The following PTPRN2 variants were observed in gnomAD, a reference collection of about 807,000 sequenced individuals.
The protein encoded by PTPRN2 is protein tyrosine phosphatase receptor type N2, also known as receptor-type tyrosine-protein phosphatase N2.
A neutral mutation model predicts 118.8 loss-of-function variants in PTPRN2; 74 were observed. The observed-to-expected ratio is 0.62, with a 90% CI of 0.52 to 0.76. The LOEUF is 0.76. PTPRN2 is among the 30% of genes least tolerant of loss of function. PTPRN2 has a pLI of 0.00. For missense variants in PTPRN2, 1,481 were observed against 1,394.4 expected (o/e 1.06, Z -0.99); for synonymous variants, 641 against 608.0 (o/e 1.05, Z -0.80).
intron 3 of PTPRN2, among the ~76,000 whole-genome samples, chr7:158,296,535 G>A (rs563235040): frequency 1.3e-5 from 2 of 152,214 alleles, no homozygotes; most frequent in African/African-American, 2.4e-5. Flanking sequence ...AATTGAGCTG[G>A]TTAACACAAG....
chr7:158,308,526 A>G (rs1436982642), intron 3 of PTPRN2, among the ~76,000 whole-genome samples: 2 of 152,220 alleles, frequency 1.3e-5, no homozygotes, highest in Non-Finnish European at 2.9e-5. Context: ...AGCAATAATT[A>G]TAAATCCATG....
rs77993042 is a variant in PTPRN2 at position 158,497,732 on chromosome 7, C to T, written c.113-7947G>A. Among the ~76,000 whole-genome samples, 794 of 152,352 alleles carry T rather than the reference C, an allele frequency of 5.2e-3. 11 individuals are homozygous for T. Among genetic ancestry groups the T allele is most frequent in the African/African-American group, 0.018 (735 of 41,592 alleles). On this transcript the variant is annotated intron_variant, in intron 1 of 22. Transcript: ENST00000389418. ...CCGCTGCACACTCAATTGCCATGAA[C>T]GATGGGAGCTGACCGCTGGCAAGTT...
chr7:158,171,284 TATATACACACATATATATACACAC>T (rs1563555408), intron 5 of PTPRN2, among the ~76,000 whole-genome samples: 9 of 98,212 alleles, frequency 9.2e-5, no homozygotes, highest in South Asian at 2.8e-4. Flanking sequence ...TACACACATA[TATATACACACATATATATACACAC>T]ATATATATAT....
At chr7:158,395,069 AG>A (rs1812240427) in intron 2 of PTPRN2, among the ~76,000 whole-genome samples, 1 of 152,108 alleles carries the variant, frequency 6.6e-6, no homozygotes, top group South Asian at 2.1e-4. Context: ...GCCAAGCACG[AG>A]GGACAGTGAC....
chr7:158,261,075 AG>A (rs1022335208), intron 3 of PTPRN2, among the ~76,000 whole-genome samples: 121 of 152,234 alleles, frequency 7.9e-4, no homozygotes, highest in Admixed American at 1.4e-3. Context: ...GTATCCAGCA[AG>A]GGGGGCGTGA....
At chr7:158,091,422 A>C (rs1354917941) in intron 10 of PTPRN2, among the ~76,000 whole-genome samples, 2 of 152,144 alleles carry the variant, frequency 1.3e-5, no homozygotes, top group Non-Finnish European at 2.9e-5. Flanking sequence ...TTTTCTTGAA[A>C]GTTATTTAGA....
In PTPRN2 at chr7:157,674,311, G is replaced by T. The variant is rs1796556444; in HGVS notation, c.2001+8414C>A. Among the ~76,000 whole-genome samples, 1 of 152,162 alleles carries T rather than the reference G, an allele frequency of 6.6e-6. No individual in the cohort carries two copies. The highest frequency in any genetic ancestry group is 2.1e-4 in the South Asian group (1 of 4,832). The stretch of plus-strand genomic sequence containing the variant: ...AGGCCTCCCCAGGAGGCGAGGGTGG[G>T]GGGACTCCTGCTGGAGGCGGCCGGC... On this transcript the variant is annotated intron_variant, in intron 13 of 22. Transcript: ENST00000389418. This position sits in a 1 kb window ranked among gnomAD's most constrained non-coding sequence, Gnocchi z 4.5.
Position 157,893,715 on chromosome 7 carries a change from G to A in PTPRN2, c.1788+4958C>T, listed in dbSNP as rs529471763. Among the ~76,000 whole-genome samples the A allele has an allele frequency of 6.6e-5, 10 of 152,252 alleles. No homozygotes were observed. The highest frequency in any genetic ancestry group is 1.2e-4 in the Non-Finnish European group (8 of 68,028). On this transcript the variant is annotated intron_variant, in intron 12 of 22. Coordinates refer to ENST00000389418, the MANE Select transcript of PTPRN2 (RefSeq NM_002847.5). The surrounding 1 kb of genome is among the most constrained non-coding windows in gnomAD (Gnocchi z 4.0). ...CTGTGGCCATACACACCTGTTGCTCGGTGAATGGGTCAGGGCTGGAGACGT... is the reference window on the plus strand; with the variant it reads ...CTGTGGCCATACACACCTGTTGCTCAGTGAATGGGTCAGGGCTGGAGACGT...
At chr7:158,132,912 G>A (rs1448571623) in intron 9 of PTPRN2, among the ~76,000 whole-genome samples, 3 of 152,120 alleles carry the variant, frequency 2.0e-5, no homozygotes, top group Non-Finnish European at 4.4e-5. Context: ...TGTACATCCA[G>A]GCAGACACGT....
chr7:158,526,059 C>A lies in PTPRN2; in HGVS notation c.113-36274G>T, dbSNP rs1824758193. 6.6e-6 allele frequency among the ~76,000 whole-genome samples: 1 copy of A among 152,232 alleles called. No individual in the cohort carries two copies. The highest frequency in any genetic ancestry group is 2.4e-5 in the African/African-American group (1 of 41,452). ...GCTGGCATTGTGCAGTCCTTCCTTC[C>A]TCAGCAGCGCTGTGTGGGAAGGGGG... On this transcript the variant is annotated intron_variant, in intron 1 of 22. Coordinates refer to ENST00000389418, the MANE Select transcript of PTPRN2 (RefSeq NM_002847.5). The surrounding 1 kb of genome is among the most constrained non-coding windows in gnomAD (Gnocchi z 5.2).
At chr7:157,948,265 G>C (rs1800602761) in intron 11 of PTPRN2, among the ~76,000 whole-genome samples, 2 of 152,286 alleles carry the variant, frequency 1.3e-5, no homozygotes, top group South Asian at 4.1e-4. Context: ...TATGTTAACA[G>C]CATACAATGT....
intron 12 of PTPRN2, among the ~76,000 whole-genome samples, chr7:157,712,220 T>A (rs1798682298): frequency 6.6e-6 from 1 of 152,160 alleles, no homozygotes; most frequent in Non-Finnish European, 1.5e-5. Flanking sequence ...AGATCTTTGA[T>A]TAAGAAAATA....
In PTPRN2 at chr7:158,137,126, A is replaced by T. The variant is rs375523289; in HGVS notation, c.1133-431T>A. Among the ~76,000 whole-genome samples the T allele has an allele frequency of 7.9e-5, 12 of 152,306 alleles. No homozygotes were observed. The East Asian group carries it at 1.7e-3, about 22-fold the overall frequency. ...CACTGTGGTCAGCGTTTCTCTCTAAATAGGTACCCCGGCTGGGCGCGGTGG... is the reference window on the plus strand; with the variant it reads ...CACTGTGGTCAGCGTTTCTCTCTAATTAGGTACCCCGGCTGGGCGCGGTGG... On this transcript the variant is annotated intron_variant, in intron 7 of 22. Transcript: ENST00000389418.
At chr7:158,498,130 G>C (rs546223872) in intron 1 of PTPRN2, among the ~76,000 whole-genome samples, 1 of 152,320 alleles carries the variant, frequency 6.6e-6, no homozygotes, top group Non-Finnish European at 1.5e-5. Context: ...GTCAGTTCTT[G>C]TTTGAAGCTG....
chr7:158,379,902 TCA>T (rs1810835047), intron 2 of PTPRN2, among the ~76,000 whole-genome samples: 1 of 152,082 alleles, frequency 6.6e-6, no homozygotes, highest in African/African-American at 2.4e-5. Flanking sequence ...AGGAGCAAAG[TCA>T]CATCTCACAT....
At chr7:157,669,609 G>A (rs73744821) in intron 13 of PTPRN2, 2 of 468,888 alleles carry the variant, frequency 4.3e-6, no homozygotes, top group South Asian at 1.5e-5. Flanking sequence ...CACGATGAGC[G>A]ATGTTGGCCA....
At chr7:157,579,660 T>C (rs1467165485) in intron 17 of PTPRN2, among the ~76,000 whole-genome samples, 3 of 152,264 alleles carry the variant, frequency 2.0e-5, no homozygotes, top group Admixed American at 2.0e-4. Context: ...GGCTCTCGCG[T>C]CCGCCCTTCA....
chr7:158,343,457 G>T (rs115974484), intron 2 of PTPRN2, among the ~76,000 whole-genome samples: 1 of 152,170 alleles, frequency 6.6e-6, no homozygotes, highest in Non-Finnish European at 1.5e-5. Context: ...TGTGCTCCGC[G>T]GGCAGGAACG....
At chr7:158,257,413 G>C (rs1045914856) in intron 3 of PTPRN2, among the ~76,000 whole-genome samples, 5 of 152,160 alleles carry the variant, frequency 3.3e-5, no homozygotes, top group African/African-American at 1.2e-4. Flanking sequence ...GGCGTGATTT[G>C]AGGACCTGCT....
Sources: allele counts gnomAD v4.1 joint callset (sites outside exome capture counted in the v4.1 genomes callset), GRCh38; gene constraint gnomAD v4.1.1; non-coding constraint Gnocchi (gnomAD v3.1); transcripts MANE v1.5; gene names NCBI Gene and HGNC (gene_info 2026-07-23, HGNC 2026-07-21).